Variants in B4GALT2 observed in about 807,000 individuals in gnomAD.
B4GALT2 encodes N-acetyllactosamine synthase.
A neutral mutation model predicts 33.2 loss-of-function variants in B4GALT2; 18 were observed. The ratio of observed to expected loss-of-function variants is 0.54; its 90% CI spans 0.38 to 0.80. The LOEUF (loss-of-function observed/expected upper bound fraction) is 0.80, where lower values mean the gene tolerates loss of function less well. B4GALT2 is among the 30% of genes least tolerant of loss of function. The pLI is 0.00. For synonymous variants in B4GALT2, 214 were observed against 217.6 expected (o/e 0.98, Z 0.15); for missense variants, 404 against 526.2 (o/e 0.77, Z 2.27).
Position 43,981,943 on chromosome 1 carries a change from A to G in B4GALT2, c.549+19A>G, listed in dbSNP as rs892405486. 8.7e-6 allele frequency: 14 copies of G among 1,610,892 alleles called. No homozygotes were observed. The highest frequency in any genetic ancestry group is 2.2e-5 in the East Asian group (1 of 44,850). ...CAACCAGGTGCCCATGCGGGGGTCC[A>G]TGTGCCTGTTGGTGTATATATGTGG... On this transcript the variant is annotated intron_variant, in intron 3 of 6. Transcript: ENST00000372324. This position sits in a 1 kb window ranked among gnomAD's most constrained non-coding sequence, Gnocchi z 8.1.
chr1:43,988,846 CA>C (rs71036648), intron 6 of B4GALT2, among the ~76,000 whole-genome samples: 1,575 of 95,246 alleles, frequency 0.017, 10 homozygotes, highest in Non-Finnish European at 0.019. Context: ...GACTCTGTCT[CA>C]AAAAAAAAAA....
chr1:43,980,704 G>T (rs928575730), intron 1 of B4GALT2: 3 of 535,640 alleles, frequency 5.6e-6, no homozygotes, highest in South Asian at 1.2e-4. Flanking sequence ...TGTTCTCAGG[G>T]GCACAGGGGC....
rs746116651 is a variant in B4GALT2, at chr1:43,981,171, T to G, written c.11T>G (p.Leu4Arg). 1 of 1,599,652 alleles carries G rather than the reference T, an allele frequency of 6.3e-7. No homozygotes were observed. The highest frequency in any genetic ancestry group is 1.1e-5 in the South Asian group (1 of 91,080). Residue 4 changes from leucine (L) to arginine (R), a missense_variant, in exon 2 of 7, where the codon CTG (leucine) becomes CGG (arginine). Transcript: ENST00000372324. The surrounding 1 kb of genome is among the most constrained non-coding windows in gnomAD (Gnocchi z 8.1). MSR[L>R]LGGTLERVCK... ...GTGGCCGCCTGCGGGATGAGCAGAC[T>G]GCTGGGGGGGACGCTGGAGCGCGTC...
rs759264772 is a variant in B4GALT2 at position 43,981,390 on chromosome 1, C to A, written c.230C>A (p.Ser77Tyr). 1.3e-6 allele frequency: 2 copies of A among 1,598,858 alleles called. No individual in the cohort carries two copies. The highest frequency in any genetic ancestry group is 8.5e-7 in the Non-Finnish European group (1 of 1,179,782). The change falls in exon 2 of 7, where the codon TCC becomes TAC. Residue 77 changes from serine (S) to tyrosine (Y), a missense_variant. Coordinates refer to ENST00000372324, the MANE Select transcript of B4GALT2 (RefSeq NM_003780.5). This position sits in a 1 kb window ranked among gnomAD's most constrained non-coding sequence, Gnocchi z 8.1. Reference protein sequence around the residue: ...CSRPNATASSSGLPEVPSALP... With the variant: ...CSRPNATASSYGLPEVPSALP... ...CGGCCCAACGCCACCGCCTCTAGCT[C>A]CGGGCTCCCTGAGGTCCCCAGTGCC... is the stretch of plus-strand genomic sequence containing the variant.
chr1:43,990,795 CCCTT>C lies in B4GALT2; in HGVS notation c.*348_*351del. 1 of 300,144 alleles carries C rather than the reference CCCTT, an allele frequency of 3.3e-6. No individual in the cohort carries two copies. Among genetic ancestry groups the C allele is most frequent in the Non-Finnish European group, 6.4e-6 (1 of 155,166 alleles). The allele number at this position is 300,144 out of a possible 1,614,324, so 18.6% of individuals were successfully genotyped here. ...CACCTCTCTGTGCCTCAGTTTCCCCCCCTTGAGTCCCCTAGGGCCTGGAAGGGTG... is the reference window on the plus strand; with the variant it reads ...CACCTCTCTGTGCCTCAGTTTCCCCCGAGTCCCCTAGGGCCTGGAAGGGTG... On this transcript the variant is annotated 3_prime_UTR_variant, in exon 7 of 7. Transcript: ENST00000372324.
chr1:43,985,824 C>T, intron 6 of B4GALT2: 1 of 605,616 alleles, frequency 1.7e-6, no homozygotes, highest in Non-Finnish European at 2.9e-6. Flanking sequence ...ATCGTTGTCC[C>T]CCAACCCCCA....
rs756709834 is a variant in B4GALT2 at position 43,984,939 on chromosome 1, C to G, written c.624C>G (p.Ala208=). Residue 208 remains alanine (A), a synonymous_variant, in exon 4 of 7, where the codon GCC becomes GCG. Coordinates refer to ENST00000372324, the MANE Select transcript of B4GALT2 (RefSeq NM_003780.5). The surrounding 1 kb of genome is among the most constrained non-coding windows in gnomAD (Gnocchi z 5.6). ...GFLEALKEDA[A]YDCFIFSDVD... The stretch of plus-strand genomic sequence containing the variant: ...TAGAGGCGCTGAAGGAGGATGCCGC[C>G]TATGACTGCTTCATCTTCAGCGATG... 29 of 1,614,132 alleles carry G rather than the reference C, an allele frequency of 1.8e-5. No homozygotes were observed. The South Asian group carries it at 3.1e-4, about 17-fold the overall frequency.
Position 43,979,672 on chromosome 1 carries a change from C to T in B4GALT2, c.-53+161C>T, listed in dbSNP as rs906961421. On this transcript the variant is annotated intron_variant, in intron 1 of 6. Transcript: ENST00000372324. This position sits in a 1 kb window ranked among gnomAD's most constrained non-coding sequence, Gnocchi z 4.8. Reference sequence around the variant, plus strand: ...CCTGGCTGCCCCCACCCCGCCCCCACTCCGGCGCCCCTCCTGGGCTTCTCC... The same window carrying T: ...CCTGGCTGCCCCCACCCCGCCCCCATTCCGGCGCCCCTCCTGGGCTTCTCC... 3.1e-5 allele frequency: 7 copies of T among 222,486 alleles called. No homozygotes were observed. The highest frequency in any genetic ancestry group is 1.0e-4 in the South Asian group (1 of 9,796). 13.8% of individuals were successfully genotyped at this position (222,486 alleles called of 1,614,324 possible).
At chr1:43,988,356 C>CAAAAAAAAAA (rs59935883) in intron 6 of B4GALT2, among the ~76,000 whole-genome samples, 6 of 73,692 alleles carry the variant, frequency 8.1e-5, no homozygotes, top group African/African-American at 1.2e-4. Context: ...ACCAAAAATA[C>CAAAAAAAAAA]AAAAAAAAAA....
chr1:43,980,535 G>A (rs1571800672), intron 1 of B4GALT2: 5 of 994,760 alleles, frequency 5.0e-6, no homozygotes, highest in Non-Finnish European at 6.0e-6. Flanking sequence ...TTGTCGCTGG[G>A]ATCTGAATGA....
In B4GALT2 at chr1:43,985,025, T is replaced by A; in HGVS notation, c.710T>A (p.Phe237Tyr). The change falls in exon 4 of 7, where the codon TTT (phenylalanine) becomes TAT (tyrosine). Residue 237 changes from phenylalanine to tyrosine, a missense_variant. Coordinates refer to ENST00000372324, the MANE Select transcript of B4GALT2 (RefSeq NM_003780.5). ...LYRCGDQPRH[F>Y]AIAMDKFGFR... ...CGCTGCGGCGACCAACCCCGCCACTTTGCCATTGCCATGGACAAGTTTGGC... is the reference window on the plus strand; with the variant it reads ...CGCTGCGGCGACCAACCCCGCCACTATGCCATTGCCATGGACAAGTTTGGC... 6.2e-7 allele frequency: 1 copy of A among 1,613,950 alleles called. No individual in the cohort carries two copies. Among genetic ancestry groups the A allele is most frequent in the East Asian group, 2.2e-5 (1 of 44,872 alleles).
chr1:43,985,310 C>T lies in B4GALT2; in HGVS notation c.773C>T (p.Ser258Leu). Reference sequence around the variant, plus strand: ...TATGCTGGCTACTTTGGAGGTGTGTCAGGCCTGAGTAAGGCTCAGTTTCTG... The same window carrying T: ...TATGCTGGCTACTTTGGAGGTGTGTTAGGCCTGAGTAAGGCTCAGTTTCTG... ...LPYAGYFGGV[S>L]GLSKAQFLRI... Residue 258 changes from serine to leucine, a missense_variant, in exon 5 of 7, where the codon TCA (serine) becomes TTA (leucine). Ser to Leu is a moderately radical substitution (Grantham distance 145). Coordinates refer to ENST00000372324, the MANE Select transcript of B4GALT2 (RefSeq NM_003780.5). 1 of 1,613,452 alleles carries T rather than the reference C, an allele frequency of 6.2e-7. No homozygotes were observed. The highest frequency in any genetic ancestry group is 8.5e-7 in the Non-Finnish European group (1 of 1,179,658).
chr1:43,981,590 A>G lies in B4GALT2; in HGVS notation c.314-99A>G. 6.5e-7 allele frequency: 1 copy of G among 1,531,524 alleles called. No homozygotes were observed. The highest frequency in any genetic ancestry group is 8.8e-7 in the Non-Finnish European group (1 of 1,137,658). 94.9% of individuals were successfully genotyped at this position (1,531,524 alleles called of 1,614,324 possible). A position where few individuals can be genotyped will look rare whatever the true frequency, so the allele number is the denominator to read the frequency against. ...GGTCCAGGTCTGTTGTAAGAGGGCT[A>G]TTCTTGGGGTTCCCTAGCCCACCCC... On this transcript the variant is annotated intron_variant, in intron 2 of 6. Coordinates refer to ENST00000372324, the MANE Select transcript of B4GALT2 (RefSeq NM_003780.5). This position sits in a 1 kb window ranked among gnomAD's most constrained non-coding sequence, Gnocchi z 8.1.
chr1:43,985,421 G>A, intron 5 of B4GALT2, 21 bp downstream of exon 5: 1 of 1,190,132 alleles, frequency 8.4e-7, no homozygotes, highest in Non-Finnish European at 1.1e-6. Context: ...ACGCGGTGGG[G>A]AATAGGCTGG....
At position 43,981,675 on chromosome 1, in the gene B4GALT2, T is replaced by C. The variant is rs756141431; in HGVS notation, c.314-14T>C. 11 of 1,595,424 alleles carry C rather than the reference T, an allele frequency of 6.9e-6. No individual in the cohort carries two copies. The African/African-American group carries it at 1.5e-4, about 21-fold the overall frequency. Reference sequence around the variant, plus strand: ...TGGCCAATGCCCTGATTCCTGACACTGTCCTGTCTGCAGTGGGCAGACTGC... The same window carrying C: ...TGGCCAATGCCCTGATTCCTGACACCGTCCTGTCTGCAGTGGGCAGACTGC... On this transcript the variant is annotated splice_polypyrimidine_tract_variant and intron_variant, in intron 2 of 6. Coordinates refer to ENST00000372324, the MANE Select transcript of B4GALT2 (RefSeq NM_003780.5). This position sits in a 1 kb window ranked among gnomAD's most constrained non-coding sequence, Gnocchi z 8.1.
chr1:43,979,882 C>A lies in B4GALT2; in HGVS notation c.-53+371C>A. ...TGCCCGTCCGCGGGTGCCACGTGTT[C>A]AGCCTGCCAGCCCCGCCCAAACGCA... On this transcript the variant is annotated intron_variant, in intron 1 of 6. Transcript: ENST00000372324. This position sits in a 1 kb window ranked among gnomAD's most constrained non-coding sequence, Gnocchi z 4.8. 1.9e-6 allele frequency: 2 copies of A among 1,067,828 alleles called. No homozygotes were observed. The highest frequency in any genetic ancestry group is 2.7e-6 in the Non-Finnish European group (2 of 749,514). The allele number at this position is 1,067,828 out of a possible 1,614,324, so 66.1% of individuals were successfully genotyped here.
chr1:43,980,650 C>T (rs967232004), intron 1 of B4GALT2: 1 of 948,798 alleles, frequency 1.1e-6, no homozygotes, highest in Admixed American at 5.3e-5. Context: ...CCCTCTTCCC[C>T]AAGCCATGAG....
intron 6 of B4GALT2, among the ~76,000 whole-genome samples, chr1:43,989,212 G>C (rs2085694409): frequency 6.6e-6 from 1 of 151,790 alleles, no homozygotes; most frequent in African/African-American, 2.4e-5. Context: ...CTGGCGCAGT[G>C]GCAGGCATCT....
At chr1:43,990,264 TA>T in intron 6 of B4GALT2, 33 bp from the exon 7 acceptor site, 1 of 1,610,152 alleles carries the variant, frequency 6.2e-7, no homozygotes, top group Non-Finnish European at 8.5e-7. Context: ...TTACAGTTGT[TA>T]GCCCTGATGT....
Sources: allele counts gnomAD v4.1 joint callset (sites outside exome capture counted in the v4.1 genomes callset), GRCh38; gene constraint gnomAD v4.1.1; non-coding constraint Gnocchi (gnomAD v3.1); transcripts MANE v1.5; gene names NCBI Gene and HGNC (gene_info 2026-07-23, HGNC 2026-07-21).